CAPN11: variants seen among roughly 807,000 people sequenced by gnomAD.
CAPN11 encodes calpain 11.
A neutral mutation model predicts 105.3 loss-of-function variants in CAPN11; 108 were observed. The observed-to-expected ratio is 1.03, with a 90% confidence interval of 0.88 to 1.20. CAPN11 has a LOEUF of 1.20. Among genes scored for constraint, CAPN11 ranks in the 50% most tolerant of loss-of-function variants. The probability of loss-of-function intolerance (pLI) is 0.00; values close to 1 mark genes in which losing one functional copy is unlikely to be tolerated. For missense variants in CAPN11, 883 were observed against 924.8 expected (o/e 0.95, Z 0.59); for synonymous variants, 329 against 344.5 (o/e 0.96, Z 0.50).
Position 44,176,661 on chromosome 6 carries a change from T to C in CAPN11, c.1076+6T>C, listed in dbSNP as rs948977436. On this transcript the variant is annotated splice_donor_region_variant and intron_variant, in intron 10 of 22. Transcript: ENST00000398776. ...ACGGAGGACGGGGAGTTCTGGTCAG[T>C]GTGGCTTGGGGTGGGCTTCTTACCA... 6.3e-7 allele frequency: 1 copy of C among 1,593,598 alleles called. No homozygotes were observed. The highest frequency in any genetic ancestry group is 1.3e-5 in the African/African-American group (1 of 74,592).
chr6:44,176,328 T>C lies in CAPN11; in HGVS notation c.991T>C (p.Trp331Arg). 6.2e-7 allele frequency: 1 copy of C among 1,613,710 alleles called. No homozygotes were observed. The highest frequency in any genetic ancestry group is 8.5e-7 in the Non-Finnish European group (1 of 1,179,736). The change falls in exon 9 of 23, where the codon TGG (tryptophan) becomes CGG (arginine). Residue 331 changes from tryptophan (W) to arginine (R), a missense_variant. Transcript: ENST00000398776. ...PWGRIEWNGAWSDSAREWEEV... is the reference protein window; with the variant it reads ...PWGRIEWNGARSDSAREWEEV... ...GGGCCGGATTGAGTGGAATGGAGCT[T>C]GGAGTGACAGGTAGGTGTCCCCAAC...
rs1285187109 is a variant in CAPN11, at chr6:44,172,428, A to G, written c.528+8A>G. ...GGCATCTTCCATTTTCAGGTGAAGG[A>G]CAGTGTGAGAGCCACTGTGGCTTTG... On this transcript the variant is annotated splice_region_variant and intron_variant, in intron 5 of 22. Transcript: ENST00000398776. 6.6e-7 allele frequency: 1 copy of G among 1,506,992 alleles called. No homozygotes were observed. Among genetic ancestry groups the G allele is most frequent in the South Asian group, 1.2e-5 (1 of 83,088 alleles). The allele number at this position is 1,506,992 out of a possible 1,614,324, so 93.4% of individuals were successfully genotyped here.
In CAPN11 at chr6:44,173,200, C is replaced by G; in HGVS notation, c.663-18C>G. On this transcript the variant is annotated intron_variant, in intron 6 of 22. Transcript: ENST00000398776. ...ACCTCCATCCTAGAGCCCAACAGTG[C>G]CTTCTCTGTGCCCACAGGCTGAGTG... is the stretch of plus-strand genomic sequence containing the variant. The G allele has an allele frequency of 6.2e-7, 1 of 1,613,360 alleles. No homozygotes were observed. The highest frequency in any genetic ancestry group is 8.5e-7 in the Non-Finnish European group (1 of 1,179,470).
chr6:44,164,861 CATTTT>C (rs767845742), intron 1 of CAPN11, among the ~76,000 whole-genome samples: 4 of 151,964 alleles, frequency 2.6e-5, no homozygotes, highest in Non-Finnish European at 5.9e-5. Flanking sequence ...ATCAGGTTTG[CATTTT>C]ATTTTATGTT....
chr6:44,182,921 A>G lies in CAPN11; in HGVS notation c.1939-20A>G, dbSNP rs557645127. 5 of 1,580,490 alleles carry G rather than the reference A, an allele frequency of 3.2e-6. No homozygotes were observed. The highest frequency in any genetic ancestry group is 1.7e-4 in the Middle Eastern group (1 of 5,724). On this transcript the variant is annotated intron_variant, in intron 19 of 22. Transcript: ENST00000398776. ...ACCATGCCATGCATGTGGCCCTACC[A>G]TATCTGTCTGTCTCTTCAGGACATC... is the stretch of plus-strand genomic sequence containing the variant.
intron 1 of CAPN11, among the ~76,000 whole-genome samples, chr6:44,164,880 T>TTTTATTTATTTA (rs201502867): frequency 2.0e-5 from 3 of 151,888 alleles, no homozygotes; most frequent in African/African-American, 7.3e-5. Context: ...TTATGTTATG[T>TTTTATTTATTTA]TTTATTTATT....
chr6:44,171,909 T>C (rs1456335760), intron 4 of CAPN11, among the ~76,000 whole-genome samples: 1 of 152,064 alleles, frequency 6.6e-6, no homozygotes, highest in African/African-American at 2.4e-5. Context: ...CTACTAAATA[T>C]GCAAAAATTA....
rs748826944 is a variant in CAPN11, at chr6:44,176,311, T to A, written c.974T>A (p.Ile325Asn). The stretch of plus-strand genomic sequence containing the variant: ...CGGGTCCGGAATCCCTGGGGCCGGA[T>A]TGAGTGGAATGGAGCTTGGAGTGAC... ...LIRVRNPWGR[I>N]EWNGAWSDSA... is the part of the protein sequence containing the mutation. Residue 325 changes from isoleucine (I) to asparagine (N), a missense_variant, in exon 9 of 23, where the codon ATT becomes AAT. Coordinates refer to ENST00000398776, the MANE Select transcript of CAPN11 (RefSeq NM_007058.4). 2 of 1,613,862 alleles carry A rather than the reference T, an allele frequency of 1.2e-6. No homozygotes were observed. The highest frequency in any genetic ancestry group is 3.3e-5 in the Admixed American group (2 of 60,022).
intron 1 of CAPN11, among the ~76,000 whole-genome samples, chr6:44,159,131 C>CTGG (rs1768231697): frequency 6.6e-6 from 1 of 151,788 alleles, no homozygotes; most frequent in Admixed American, 6.6e-5. Flanking sequence ...GTAGGCCGGG[C>CTGG]AGGAACTCTT....
intron 2 of CAPN11, 173 bp from the exon 3 acceptor site, chr6:44,169,107 AT>A (rs1304164044): frequency 3.6e-5 from 26 of 717,772 alleles, no homozygotes; most frequent in Non-Finnish European, 4.5e-5. Flanking sequence ...ATTAAAAAAA[AT>A]TTTTTTGTCG....
rs1309375846 is a variant in CAPN11 at position 44,169,501 on chromosome 6, T to G, written c.309T>G (p.Asn103Lys). 1.2e-6 allele frequency: 2 copies of G among 1,600,028 alleles called. No homozygotes were observed. Among genetic ancestry groups the G allele is most frequent in the East Asian group, 2.3e-5 (1 of 44,278 alleles). The change falls in exon 3 of 23, where the codon AAT becomes AAG. Residue 103 changes from asparagine to lysine, a missense_variant. Transcript: ENST00000398776. ...GFKDLGPNSK[N>K]VQNISWQRPK... ...AGGACCTGGGCCCCAACTCCAAAAA[T>G]GTGCAGAACATCTCCTGGCAGCGGC...
Position 44,180,448 on chromosome 6 carries a change from C to A in CAPN11, c.1641-12C>A, listed in dbSNP as rs753125544. 1 of 1,612,864 alleles carries A rather than the reference C, an allele frequency of 6.2e-7. No homozygotes were observed. Among genetic ancestry groups the A allele is most frequent in the South Asian group, 1.1e-5 (1 of 91,030 alleles). ...CCCTGGTAACTCTTGAGCTTTCAAT[C>A]ATTTTGCCCAGGGAATTGGATGAAG... On this transcript the variant is annotated splice_polypyrimidine_tract_variant and intron_variant, in intron 14 of 22. Coordinates refer to ENST00000398776, the MANE Select transcript of CAPN11 (RefSeq NM_007058.4).
At chr6:44,167,197 C>T (rs931963089) in intron 2 of CAPN11, among the ~76,000 whole-genome samples, 1 of 152,062 alleles carries the variant, frequency 6.6e-6, no homozygotes, top group Non-Finnish European at 1.5e-5. Flanking sequence ...TTTCCACTCT[C>T]CTTAAAAGAG....
intron 1 of CAPN11, among the ~76,000 whole-genome samples, chr6:44,162,492 A>T (rs1769063617): frequency 6.6e-6 from 1 of 152,082 alleles, no homozygotes; most frequent in African/African-American, 2.4e-5. Flanking sequence ...TAGAAGAGAC[A>T]GGGTTTGAGG....
chr6:44,175,758 G>C (rs1771878890), intron 7 of CAPN11, among the ~76,000 whole-genome samples: 2 of 150,334 alleles, frequency 1.3e-5, no homozygotes, highest in South Asian at 4.2e-4. Context: ...AGAGCAACAA[G>C]AGCAAAGCTC....
intron 2 of CAPN11, chr6:44,168,961 C>T: frequency 4.3e-6 from 2 of 466,256 alleles, no homozygotes; most frequent in South Asian, 3.1e-5. Context: ...CTTGCTCTGT[C>T]ACCCAGACTG....
chr6:44,165,054 A>G (rs886748319), intron 1 of CAPN11, among the ~76,000 whole-genome samples: 1 of 151,900 alleles, frequency 6.6e-6, no homozygotes, highest in South Asian at 2.1e-4. Context: ...ACACCTGGCT[A>G]ATTTTTGTAT....
At chr6:44,168,653 G>C (rs971874646) in intron 2 of CAPN11, among the ~76,000 whole-genome samples, 1 of 151,198 alleles carries the variant, frequency 6.6e-6, no homozygotes, top group Non-Finnish European at 1.5e-5. Context: ...ACAGAGTTTC[G>C]CTCTTGTTGG....
chr6:44,179,973 C>A lies in CAPN11; in HGVS notation c.1450C>A (p.His484Asn). ...ATAGTTTCAGAACATTCAGGATGTC[C>A]ACTTGAAGAAGGAATTCTTCACGAA... The part of the protein sequence containing the change: ...PKEFQNIQDV[H>N]LKKEFFTKYQ... Residue 484 changes from histidine (H) to asparagine (N), a missense_variant, in exon 14 of 23, where the codon CAC becomes AAC. Coordinates refer to ENST00000398776, the MANE Select transcript of CAPN11 (RefSeq NM_007058.4). The A allele has an allele frequency of 6.2e-7, 1 of 1,613,082 alleles. No individual in the cohort carries two copies. The highest frequency in any genetic ancestry group is 8.5e-7 in the Non-Finnish European group (1 of 1,179,082).
Sources: gnomAD v4.1 joint callset for allele counts (sites outside exome capture counted in the v4.1 genomes callset) on GRCh38, gnomAD v4.1.1 for gene constraint, MANE v1.5 for transcripts, NCBI Gene and HGNC (gene_info 2026-07-23, HGNC 2026-07-21) for gene names.